RYR3: variants seen among roughly 807,000 people sequenced by gnomAD.
RYR3 encodes ryanodine receptor 3.
In RYR3, 207 loss-of-function variants were observed where a neutral mutation model predicts 584.3. The ratio of observed to expected loss-of-function variants is 0.35; its 90% CI spans 0.32 to 0.40. The LOEUF is 0.40. Ranked by LOEUF, RYR3 falls within the 10% of genes least tolerant of loss-of-function variation. The probability of loss-of-function intolerance (pLI) is 1.00; values close to 1 mark genes in which losing one functional copy is unlikely to be tolerated. For synonymous variants in RYR3, 2,416 were observed against 2,248.5 expected (o/e 1.07, Z -2.11); for missense variants, 5,616 against 6,089.2 (o/e 0.92, Z 2.59).
intron 10 of RYR3, among the ~76,000 whole-genome samples, chr15:33,556,570 T>C (rs115481024): frequency 6.2e-4 from 94 of 152,348 alleles, no homozygotes; most frequent in African/African-American, 2.1e-3. Flanking sequence ...TCCCTTTGAC[T>C]CTTAGAAGAA....
chr15:33,362,533 C>T (rs1974923974), intron 1 of RYR3, among the ~76,000 whole-genome samples: 1 of 152,174 alleles, frequency 6.6e-6, no homozygotes, highest in Non-Finnish European at 1.5e-5. Flanking sequence ...ATGATTAAAT[C>T]TTCTGTTCAA....
At chr15:33,694,956 C>T (rs112999458) in intron 38 of RYR3, among the ~76,000 whole-genome samples, 310 of 152,314 alleles carry the variant, frequency 2.0e-3, no homozygotes, top group African/African-American at 6.7e-3. Context: ...TATATCCTTA[C>T]GATGAGCCAA....
chr15:33,359,948 A>G (rs1305904312), intron 1 of RYR3, among the ~76,000 whole-genome samples: 1 of 151,914 alleles, frequency 6.6e-6, no homozygotes, highest in African/African-American at 2.4e-5. Flanking sequence ...AATAGTGCCT[A>G]TGATACTCTC....
rs117469254 is a variant in RYR3, at chr15:33,624,930, A to G, written c.2574+907A>G. ...TTTCCCATAATATTCGTATGACCCT[A>G]TTACATTCATCCATGTGTATGTGTT... On this transcript the variant is annotated intron_variant, in intron 20 of 103. Transcript: ENST00000634891. Among the ~76,000 whole-genome samples, 230 of 152,316 alleles carry G rather than the reference A, an allele frequency of 1.5e-3. 1 individual carries two copies. The highest frequency in any genetic ancestry group is 2.7e-3 in the Non-Finnish European group (187 of 68,034).
chr15:33,849,543 T>C (rs1335366265), intron 94 of RYR3: 1 of 152,216 alleles, frequency 6.6e-6, no homozygotes, highest in African/African-American at 2.4e-5. Flanking sequence ...ATCCAAAAAG[T>C]GGCCATCACC....
At chr15:33,694,554 T>A (rs1011378882) in intron 38 of RYR3, among the ~76,000 whole-genome samples, 2 of 152,056 alleles carry the variant, frequency 1.3e-5, no homozygotes, top group Admixed American at 6.6e-5. Context: ...TAGATTTTTT[T>A]GAATAATATG....
chr15:33,555,630 G>A (rs2057018289), intron 10 of RYR3, among the ~76,000 whole-genome samples: 1 of 152,144 alleles, frequency 6.6e-6, no homozygotes, highest in African/African-American at 2.4e-5. Context: ...TTAAAAAAAA[G>A]TATGTCTTGA....
At chr15:33,661,281 A>G (rs1297825835) in intron 34 of RYR3, among the ~76,000 whole-genome samples, 1 of 152,214 alleles carries the variant, frequency 6.6e-6, no homozygotes, top group East Asian at 1.9e-4. Flanking sequence ...GGAGCAACAT[A>G]CAAACAGACC....
intron 60 of RYR3, 101 bp downstream of exon 60, chr15:33,757,697 C>A: frequency 1.5e-6 from 2 of 1,304,586 alleles, no homozygotes; most frequent in South Asian, 1.3e-5. Context: ...AGAAATGAAA[C>A]TGGATGATGT....
At chr15:33,366,161 C>T (rs1975462353) in intron 1 of RYR3, among the ~76,000 whole-genome samples, 1 of 105,754 alleles carries the variant, frequency 9.5e-6, no homozygotes, top group Non-Finnish European at 2.0e-5. Flanking sequence ...TTCTGCAGCA[C>T]CTGTTTGCTT....
At chr15:33,693,336 C>T (rs375336857) in intron 38 of RYR3, among the ~76,000 whole-genome samples, 57 of 152,352 alleles carry the variant, frequency 3.7e-4, no homozygotes, top group African/African-American at 1.3e-3. Flanking sequence ...GTCCTGTGCC[C>T]GGCCCTTTGC....
rs1368919497 is a variant in RYR3, at chr15:33,631,239, C to G, written c.2813C>G (p.Ala938Gly). The G allele has an allele frequency of 1.3e-6, 2 of 1,591,402 alleles. No individual in the cohort carries two copies. Among genetic ancestry groups the G allele is most frequent in the Non-Finnish European group, 1.7e-6 (2 of 1,167,952 alleles). The change falls in exon 23 of 104, where the codon GCT (alanine) becomes GGT (glycine). Residue 938 changes from alanine (A) to glycine (G), a missense_variant. Physicochemically the swap from Ala to Gly is moderately conservative, Grantham distance 60. This residue lies in a region of RYR3 where 1,284 missense variants were observed against 1,344.6 expected (regional missense o/e 0.95). Transcript: ENST00000634891. ...KTLLALGCHI[A>G]HVNPAAEEDL... The stretch of plus-strand genomic sequence containing the variant: ...CTCTTGGCCCTGGGGTGCCACATTG[C>G]TCATGTTAACCCAGCTGCTGAGGAG...
chr15:33,770,806 T>C (rs2073508562), intron 62 of RYR3, among the ~76,000 whole-genome samples: 1 of 152,204 alleles, frequency 6.6e-6, no homozygotes, highest in South Asian at 2.1e-4. Flanking sequence ...ACTTTATTTC[T>C]TTGTTTGTAT....
chr15:33,845,283 G>A (rs371471578), intron 93 of RYR3, among the ~76,000 whole-genome samples: 3 of 152,088 alleles, frequency 2.0e-5, no homozygotes, highest in South Asian at 2.1e-4. Flanking sequence ...GATGGGTTTC[G>A]CTCTTGTCTC....
At chr15:33,603,972 C>T (rs2059792959) in intron 18 of RYR3, among the ~76,000 whole-genome samples, 1 of 152,144 alleles carries the variant, frequency 6.6e-6, no homozygotes, top group African/African-American at 2.4e-5. Context: ...TGATGCTTTT[C>T]CCAAGCATGT....
rs116287973 is a variant in RYR3 at position 33,773,200 on chromosome 15, G to A, written c.9056-334G>A. 3.3e-5 allele frequency among the ~76,000 whole-genome samples: 5 copies of A among 152,294 alleles called. No homozygotes were observed. In the South Asian group the frequency reaches 1.0e-3, roughly 32 times the overall value. ...AGGAAATATTGCCCTGGATAAAACT[G>A]GGCTAAAATGTCTCTATTGGAAACG... On this transcript the variant is annotated intron_variant, in intron 63 of 103. Coordinates refer to ENST00000634891, the MANE Select transcript of RYR3 (RefSeq NM_001036.6).
At chr15:33,322,759 G>A (rs1463778108) in intron 1 of RYR3, among the ~76,000 whole-genome samples, 1 of 151,700 alleles carries the variant, frequency 6.6e-6, no homozygotes, top group Non-Finnish European at 1.5e-5. Flanking sequence ...CTCTCTTATT[G>A]TCGATCTTAA....
intron 19 of RYR3, among the ~76,000 whole-genome samples, chr15:33,619,760 T>G (rs537720136): frequency 1.3e-5 from 2 of 152,180 alleles, no homozygotes; most frequent in African/African-American, 4.8e-5. Context: ...CCCTCCCTGA[T>G]TGGCCAGCTC....
intron 38 of RYR3, among the ~76,000 whole-genome samples, chr15:33,675,798 T>C (rs746407077): frequency 6.6e-6 from 1 of 152,212 alleles, no homozygotes; most frequent in Non-Finnish European, 1.5e-5. Context: ...TAGGCACAAA[T>C]CAAGCTGCTT....
Sources: gnomAD v4.1 joint callset for allele counts (sites outside exome capture counted in the v4.1 genomes callset) on GRCh38, gnomAD v4.1.1 for gene constraint, gnomAD v4.1.1 regional missense constraint, MANE v1.5 for transcripts, NCBI Gene and HGNC (gene_info 2026-07-23, HGNC 2026-07-21) for gene names.